Variants in KCNT2 observed in about 807,000 individuals in gnomAD.
KCNT2 encodes the protein potassium sodium-activated channel subfamily T member 2.
In KCNT2, 67 loss-of-function variants were observed where a neutral mutation model predicts 153.8. That is an observed-to-expected ratio of 0.44 (90% CI 0.36 to 0.53). KCNT2 has a LOEUF of 0.53. Ranked by LOEUF, KCNT2 falls within the 20% of genes least tolerant of loss-of-function variation. The pLI is 0.00. For synonymous variants in KCNT2, 500 were observed against 458.8 expected (o/e 1.09, Z -1.15); for missense variants, 975 against 1,354.8 (o/e 0.72, Z 4.40).
At chr1:196,509,219 A>C (rs527506145) in intron 1 of KCNT2, among the ~76,000 whole-genome samples, 2 of 149,844 alleles carry the variant, frequency 1.3e-5, no homozygotes, top group Admixed American at 6.7e-5. Flanking sequence ...CAGTGAGCCG[A>C]GATAGTGCCA....
rs753262453 is a variant in KCNT2 at position 196,228,313 on chromosome 1, G to T, written c.3319C>A (p.Leu1107Met). ...DVVYLIRPDP[L>M]AYLPNSEPSR... Reference sequence around the variant, plus strand: ...GGCTCACTGTTTGGAAGGTAGGCCAGTGGATCTGGTCGAATTAAGTATCTA... The same window carrying T: ...GGCTCACTGTTTGGAAGGTAGGCCATTGGATCTGGTCGAATTAAGTATCTA... Residue 1107 changes from leucine to methionine, a missense_variant, in exon 28 of 28, where the codon CTG becomes ATG. Coordinates refer to ENST00000294725, the MANE Select transcript of KCNT2 (RefSeq NM_198503.5). The T allele has an allele frequency of 5.6e-6, 9 of 1,606,026 alleles. No individual in the cohort carries two copies. In the Admixed American group the frequency reaches 6.7e-5, roughly 12 times the overall value.
intron 22 of KCNT2, 44 bp from the exon 23 acceptor site, chr1:196,285,802 T>G (rs1425562110): frequency 1.8e-6 from 2 of 1,086,976 alleles, no homozygotes; most frequent in Non-Finnish European, 2.8e-6. Flanking sequence ...GCATTCCACA[T>G]TTTATGCATT....
chr1:196,479,839 A>G (rs1275603065), intron 4 of KCNT2, among the ~76,000 whole-genome samples: 2 of 152,236 alleles, frequency 1.3e-5, no homozygotes, highest in Admixed American at 6.5e-5. Context: ...AAATGAAATA[A>G]CACACACTTC....
intron 1 of KCNT2, among the ~76,000 whole-genome samples, chr1:196,599,623 G>T (rs146323430): frequency 1.1e-4 from 17 of 152,310 alleles, no homozygotes; most frequent in Non-Finnish European, 2.4e-4. Flanking sequence ...GAGAGGTACA[G>T]CTAAGACTCT....
At chr1:196,284,248 A>AAAT in intron 23 of KCNT2, among the ~76,000 whole-genome samples, 17 of 10,050 alleles carry the variant, frequency 1.7e-3, no homozygotes, top group African/African-American at 2.3e-3. Flanking sequence ...AAAAAAAAAA[A>AAAT]ATATATATAT....
At chr1:196,550,800 G>A (rs1657790605) in intron 1 of KCNT2, among the ~76,000 whole-genome samples, 1 of 151,666 alleles carries the variant, frequency 6.6e-6, no homozygotes, top group African/African-American at 2.4e-5. Context: ...GGCTATGGGG[G>A]CAGTAGAAGG....
intron 19 of KCNT2, among the ~76,000 whole-genome samples, chr1:196,321,423 G>A (rs967273946): frequency 3.3e-5 from 5 of 151,828 alleles, no homozygotes; most frequent in African/African-American, 1.2e-4. Flanking sequence ...TGAAGATAAG[G>A]CCTTTCTATT....
intron 1 of KCNT2, among the ~76,000 whole-genome samples, chr1:196,498,997 T>C (rs188266713): frequency 6.6e-6 from 1 of 152,302 alleles, no homozygotes; most frequent in East Asian, 1.9e-4. Flanking sequence ...GGGTATACTA[T>C]AATAGGGTGA....
intron 8 of KCNT2, among the ~76,000 whole-genome samples, chr1:196,435,097 G>A (rs1674502691): frequency 7.2e-6 from 1 of 138,272 alleles, no homozygotes; most frequent in Non-Finnish European, 1.6e-5. Flanking sequence ...GTTTAGGGGT[G>A]TTTTGCTATT....
At chr1:196,367,411 C>T (rs1359179166) in intron 14 of KCNT2, among the ~76,000 whole-genome samples, 2 of 151,954 alleles carry the variant, frequency 1.3e-5, no homozygotes, top group African/African-American at 4.8e-5. Flanking sequence ...TTCTAAGATC[C>T]TTTGATTTAC....
intron 1 of KCNT2, among the ~76,000 whole-genome samples, chr1:196,509,343 T>C (rs1019644704): frequency 6.7e-6 from 1 of 150,018 alleles, no homozygotes; most frequent in Non-Finnish European, 1.5e-5. Flanking sequence ...GAAGCTTAAA[T>C]ATCCACTGAC....
intron 8 of KCNT2, among the ~76,000 whole-genome samples, chr1:196,451,217 C>CTTTT (rs561944079): frequency 1.4e-4 from 9 of 63,556 alleles, no homozygotes; most frequent in Admixed American, 8.2e-4. Context: ...ATCCCTCTTT[C>CTTTT]TTTTTTTTTT....
intron 12 of KCNT2, among the ~76,000 whole-genome samples, chr1:196,410,076 G>T (rs74797904): frequency 1.3e-5 from 2 of 151,572 alleles, no homozygotes; most frequent in African/African-American, 4.8e-5. Flanking sequence ...CGTGATACTT[G>T]TTGGCCACTT....
intron 5 of KCNT2, among the ~76,000 whole-genome samples, chr1:196,478,487 G>C (rs1678725477): frequency 6.6e-6 from 1 of 152,036 alleles, no homozygotes; most frequent in Non-Finnish European, 1.5e-5. Context: ...CTTCCTTTAT[G>C]CCTTTGCTAA....
intron 8 of KCNT2, among the ~76,000 whole-genome samples, chr1:196,442,368 C>T (rs1422594947): frequency 4.0e-5 from 6 of 151,782 alleles, no homozygotes; most frequent in Non-Finnish European, 7.4e-5. Flanking sequence ...TTATTGAGTA[C>T]TATTAAGTGT....
At chr1:196,338,420 G>A (rs569769123) in intron 16 of KCNT2, among the ~76,000 whole-genome samples, 7 of 152,148 alleles carry the variant, frequency 4.6e-5, no homozygotes, top group Admixed American at 2.6e-4. Flanking sequence ...TCTAAACTAG[G>A]ATACTGCAGA....
At chr1:196,343,952 G>A (rs894312601) in intron 14 of KCNT2, among the ~76,000 whole-genome samples, 2 of 152,036 alleles carry the variant, frequency 1.3e-5, no homozygotes, top group African/African-American at 4.8e-5. Flanking sequence ...GCTAATTTTT[G>A]TATTTTTAGT....
chr1:196,279,414 T>C (rs773711760), intron 25 of KCNT2, among the ~76,000 whole-genome samples: 3 of 151,532 alleles, frequency 2.0e-5, no homozygotes, highest in Non-Finnish European at 4.4e-5. Context: ...CAAAACTCCA[T>C]TAAAAAATTT....
chr1:196,384,140 A>G (rs1669745555), intron 13 of KCNT2, among the ~76,000 whole-genome samples: 1 of 152,192 alleles, frequency 6.6e-6, no homozygotes, highest in Non-Finnish European at 1.5e-5. Context: ...ATCACATTGT[A>G]CACCTTAAAT....
Sources: allele counts gnomAD v4.1 joint callset (sites outside exome capture counted in the v4.1 genomes callset), GRCh38; gene constraint gnomAD v4.1.1; transcripts MANE v1.5; gene names NCBI Gene and HGNC (gene_info 2026-07-23, HGNC 2026-07-21).